The following NCKAP5 variants were observed in gnomAD, a reference collection of about 807,000 sequenced individuals.
The protein encoded by NCKAP5 is NCK associated protein 5.
NCKAP5 carries 92 observed loss-of-function variants against 167.0 expected under a neutral mutation model. That is an observed-to-expected ratio of 0.55 (90% CI 0.47 to 0.66). The LOEUF (loss-of-function observed/expected upper bound fraction) is 0.66, where lower values mean the gene tolerates loss of function less well. Ranked by LOEUF, NCKAP5 falls within the 30% of genes least tolerant of loss-of-function variation. NCKAP5 has a pLI of 0.00. For missense variants in NCKAP5, 2,378 were observed against 2,315.0 expected, an observed-to-expected ratio of 1.03 and a Z score of -0.56; for synonymous variants, 891 against 877.4, an observed-to-expected ratio of 1.02 and a Z score of -0.27.
At chr2:133,095,614 G>A (rs2081321915) in intron 6 of NCKAP5, among the ~76,000 whole-genome samples, 2 of 152,256 alleles carry the variant, frequency 1.3e-5, no homozygotes. Context: ...CTATGTAGAG[G>A]AGAGGAACCA....
intron 6 of NCKAP5, among the ~76,000 whole-genome samples, chr2:133,051,126 A>T (rs2079591310): frequency 6.6e-6 from 1 of 152,206 alleles, no homozygotes; most frequent in Admixed American, 6.5e-5. Context: ...TCTCTACTGA[A>T]GAAAACTGAC....
chr2:133,233,262 A>G lies in NCKAP5; in HGVS notation c.144-19483T>C, dbSNP rs113501967. Among the ~76,000 whole-genome samples, 160 of 152,228 alleles carry G rather than the reference A, an allele frequency of 1.1e-3. 1 individual carries two copies. The highest frequency in any genetic ancestry group is 3.7e-3 in the African/African-American group (154 of 41,534). ...AGAAAAAGGATTTTAGAAATCACAC[A>G]CTCACAGATATGGTCCCTGCCCTCC... On this transcript the variant is annotated intron_variant, in intron 4 of 19. Coordinates refer to ENST00000409261, the MANE Select transcript of NCKAP5 (RefSeq NM_207363.3).
intron 11 of NCKAP5, among the ~76,000 whole-genome samples, chr2:132,845,278 G>A (rs1688578728): frequency 6.6e-6 from 1 of 151,914 alleles, no homozygotes; most frequent in Non-Finnish European, 1.5e-5. Flanking sequence ...TAGAATATTT[G>A]ATCAACCAAA....
At chr2:133,448,419 T>C (rs934691587) in intron 3 of NCKAP5, among the ~76,000 whole-genome samples, 2 of 151,954 alleles carry the variant, frequency 1.3e-5, no homozygotes, top group Non-Finnish European at 2.9e-5. Context: ...TCCTGTATAG[T>C]CACATTAAGT....
In NCKAP5 at chr2:133,409,422, T is replaced by C. The variant is rs568589957; in HGVS notation, c.70-106312A>G. Among the ~76,000 whole-genome samples, 5 of 152,326 alleles carry C rather than the reference T, an allele frequency of 3.3e-5. No individual in the cohort carries two copies. In the East Asian group the frequency reaches 9.6e-4, roughly 29 times the overall value. On this transcript the variant is annotated intron_variant, in intron 3 of 19. Transcript: ENST00000409261. Reference sequence around the variant, plus strand: ...GGGCAATTAAAACTCTTTGTAGCAATGCCTGGACAACAGACTTATAGGAAT... The same window carrying C: ...GGGCAATTAAAACTCTTTGTAGCAACGCCTGGACAACAGACTTATAGGAAT...
chr2:133,353,295 G>A (rs564565712), intron 3 of NCKAP5, among the ~76,000 whole-genome samples: 1 of 152,268 alleles, frequency 6.6e-6, no homozygotes, highest in African/African-American at 2.4e-5. Flanking sequence ...GAGACAGAAG[G>A]CATTTTTGGA....
intron 11 of NCKAP5, among the ~76,000 whole-genome samples, chr2:132,841,251 A>T (rs1202469209): frequency 1.3e-5 from 2 of 152,132 alleles, no homozygotes; most frequent in East Asian, 1.9e-4. Flanking sequence ...GAGTTTTACC[A>T]TGTGGCTAAA....
the NCKAP5 span, among the ~76,000 whole-genome samples, chr2:133,617,522 G>A: frequency 7.2e-6 from 1 of 139,720 alleles, no homozygotes; most frequent in Non-Finnish European, 1.6e-5. Flanking sequence ...GACAAACAGA[G>A]AGCCAAATCA....
At chr2:133,524,953 T>C (rs1246007195) in intron 2 of NCKAP5, among the ~76,000 whole-genome samples, 4 of 152,154 alleles carry the variant, frequency 2.6e-5, no homozygotes, top group African/African-American at 7.2e-5. Context: ...TGTGTGTACA[T>C]GCGCATGAGT....
intron 6 of NCKAP5, among the ~76,000 whole-genome samples, chr2:133,019,934 G>C (rs546984336): frequency 6.6e-6 from 1 of 152,294 alleles, no homozygotes; most frequent in South Asian, 2.1e-4. Context: ...GAGAGCACTG[G>C]GGCAGCTGCC....
chr2:133,011,109 T>C (rs1206766271), intron 6 of NCKAP5, among the ~76,000 whole-genome samples: 1 of 152,208 alleles, frequency 6.6e-6, no homozygotes, highest in Non-Finnish European at 1.5e-5. Flanking sequence ...ATTAAGCTGC[T>C]ACAGAATACC....
chr2:133,208,633 A>G (rs879675727), intron 5 of NCKAP5, among the ~76,000 whole-genome samples: 3 of 152,214 alleles, frequency 2.0e-5, no homozygotes, highest in Non-Finnish European at 2.9e-5. Flanking sequence ...CTGGAGCAGA[A>G]AAAGGACACT....
chr2:133,461,889 A>G (rs569332009), intron 3 of NCKAP5, among the ~76,000 whole-genome samples: 109 of 117,016 alleles, frequency 9.3e-4, no homozygotes, highest in Middle Eastern at 4.0e-3. Flanking sequence ...TCCAATATCA[A>G]AGTCTCTGCA....
At chr2:132,899,547 A>G (rs1693459900) in intron 8 of NCKAP5, among the ~76,000 whole-genome samples, 1 of 152,242 alleles carries the variant, frequency 6.6e-6, no homozygotes. Context: ...TGTCTTCCTC[A>G]CTAAGCTTAA....
chr2:133,092,210 C>T (rs1643312451), intron 6 of NCKAP5, among the ~76,000 whole-genome samples: 1 of 152,170 alleles, frequency 6.6e-6, no homozygotes, highest in South Asian at 2.1e-4. Flanking sequence ...ACCTGAAATC[C>T]AATGGCTGAA....
At chr2:133,485,848 C>T (rs1244390814) in intron 3 of NCKAP5, among the ~76,000 whole-genome samples, 2 of 152,114 alleles carry the variant, frequency 1.3e-5, no homozygotes, top group Non-Finnish European at 2.9e-5. Flanking sequence ...TACACTGAGG[C>T]AACACTTGTA....
intron 6 of NCKAP5, among the ~76,000 whole-genome samples, chr2:133,020,416 A>G (rs4954022): frequency 0.8 from 121,468 of 152,154 alleles, 49,200 homozygotes; most frequent in African/African-American, 0.94. Flanking sequence ...GGCAGAAAAC[A>G]GAAGAGGAGA....
chr2:133,614,875 T>G, the NCKAP5 span, among the ~76,000 whole-genome samples: 1 of 151,918 alleles, frequency 6.6e-6, no homozygotes, highest in Non-Finnish European at 1.5e-5. Flanking sequence ...AAATGAAGGA[T>G]AAAATGTTAA....
At chr2:132,752,369 A>G (rs1404744504) in intron 16 of NCKAP5, among the ~76,000 whole-genome samples, 1 of 152,248 alleles carries the variant, frequency 6.6e-6, no homozygotes, top group African/African-American at 2.4e-5. Context: ...GACTCAGTCT[A>G]AAAAGTAAAA....
Sources: allele counts gnomAD v4.1 joint callset (sites outside exome capture counted in the v4.1 genomes callset), GRCh38; gene constraint gnomAD v4.1.1; transcripts MANE v1.5; gene names NCBI Gene and HGNC (gene_info 2026-07-23, HGNC 2026-07-21).